PDE1A: variants seen among roughly 807,000 people sequenced by gnomAD.
The protein encoded by PDE1A is dual specificity calcium/calmodulin-dependent 3',5'-cyclic nucleotide phosphodiesterase 1A.
A neutral mutation model predicts 61.7 loss-of-function variants in PDE1A; 35 were observed. The ratio of observed to expected loss-of-function variants is 0.57; its 90% confidence interval spans 0.43 to 0.75. The LOEUF is 0.75. PDE1A is among the 30% of genes least tolerant of loss of function. PDE1A has a pLI of 0.00. For synonymous variants in PDE1A, 232 were observed against 213.2 expected, an observed-to-expected ratio of 1.09 and a Z score of -0.77; for missense variants, 597 against 630.6, an observed-to-expected ratio of 0.95 and a Z score of 0.57.
the PDE1A span, among the ~76,000 whole-genome samples, chr2:182,669,990 A>C: frequency 1.3e-5 from 2 of 152,210 alleles, no homozygotes; most frequent in Non-Finnish European, 2.9e-5. Flanking sequence ...GCAGGTCATT[A>C]AGGGATGATG....
the PDE1A span, among the ~76,000 whole-genome samples, chr2:182,572,868 CAAAAA>C: frequency 5.1e-4 from 27 of 53,034 alleles, no homozygotes; most frequent in Admixed American, 4.0e-4. Flanking sequence ...GACTCTGTCT[CAAAAA>C]AAAAAAAAAA....
chr2:182,571,736 C>T, the PDE1A span, among the ~76,000 whole-genome samples: 9 of 151,528 alleles, frequency 5.9e-5, no homozygotes, highest in Non-Finnish European at 1.2e-4. Context: ...ATCTGATTTC[C>T]GAGAGTAGCA....
rs1423098429 is a variant in PDE1A, at chr2:182,185,871, AG to A, written c.1516+20del. On this transcript the variant is annotated intron_variant, in intron 13 of 13. Coordinates refer to ENST00000351439, the Ensembl canonical transcript of PDE1A. Reference sequence around the variant, plus strand: ...GTGAAGACAGAGAGAGATGGCAGTAAGGCCTCATAAACAACACTACCTTGTG... The same window carrying A: ...GTGAAGACAGAGAGAGATGGCAGTAAGCCTCATAAACAACACTACCTTGTG... 2 of 1,613,386 alleles carry A rather than the reference AG, an allele frequency of 1.2e-6. No individual in the cohort carries two copies. Among genetic ancestry groups the A allele is most frequent in the Non-Finnish European group, 8.5e-7 (1 of 1,179,740 alleles).
At chr2:182,559,676 T>C in the PDE1A span, among the ~76,000 whole-genome samples, 1 of 152,306 alleles carries the variant, frequency 6.6e-6, no homozygotes, top group African/African-American at 2.4e-5. Flanking sequence ...AGATACTTAA[T>C]AGAATGCTTG....
At chr2:182,517,944 G>A (rs1383049801) in intron 2 of PDE1A, among the ~76,000 whole-genome samples, 3 of 152,180 alleles carry the variant, frequency 2.0e-5, no homozygotes, top group Non-Finnish European at 2.9e-5. Flanking sequence ...GTTGCCTCCA[G>A]AAGAGAGAAC....
At chr2:182,581,567 A>G in the PDE1A span, among the ~76,000 whole-genome samples, 1 of 152,214 alleles carries the variant, frequency 6.6e-6, no homozygotes, top group Admixed American at 6.6e-5. Context: ...TTTCTATGTT[A>G]TAATTCTCTG....
the PDE1A span, among the ~76,000 whole-genome samples, chr2:182,601,522 G>C: frequency 6.6e-6 from 1 of 152,250 alleles, no homozygotes; most frequent in African/African-American, 2.4e-5. Context: ...AGATCTTCTA[G>C]ACTTGCCATT....
intron 1 of PDE1A, among the ~76,000 whole-genome samples, chr2:182,369,096 T>C (rs775000994): frequency 2.4e-4 from 36 of 152,204 alleles, no homozygotes; most frequent in South Asian, 6.2e-4. Context: ...TTAGATTACT[T>C]CCCCGTCTTT....
At chr2:182,306,707 T>C (rs1157684765) in intron 1 of PDE1A, among the ~76,000 whole-genome samples, 1 of 152,044 alleles carries the variant, frequency 6.6e-6, no homozygotes, top group Non-Finnish European at 1.5e-5. Context: ...AAGAATACAA[T>C]GGGAAGAAGA....
chr2:182,212,472 AG>A (rs1482676303), intron 7 of PDE1A, among the ~76,000 whole-genome samples: 1 of 152,216 alleles, frequency 6.6e-6, no homozygotes, highest in Non-Finnish European at 1.5e-5. Context: ...GCGACGCAGA[AG>A]ACGGTGATTT....
chr2:182,674,144 G>A, the PDE1A span, among the ~76,000 whole-genome samples: 1 of 151,780 alleles, frequency 6.6e-6, no homozygotes, highest in African/African-American at 2.4e-5. Flanking sequence ...TTAGTAAGTG[G>A]TATAGCCAGG....
intron 1 of PDE1A, among the ~76,000 whole-genome samples, chr2:182,345,009 C>A (rs887088684): frequency 6.6e-6 from 1 of 152,190 alleles, no homozygotes; most frequent in African/African-American, 2.4e-5. Flanking sequence ...GGTCTGCACT[C>A]TTCTCTTAGA....
chr2:182,278,213 A>C (rs1693567562), intron 1 of PDE1A, among the ~76,000 whole-genome samples: 1 of 152,040 alleles, frequency 6.6e-6, no homozygotes, highest in African/African-American at 2.4e-5. Flanking sequence ...ACATTTTCAC[A>C]CTTAAGGATC....
At chr2:182,619,359 T>C in the PDE1A span, among the ~76,000 whole-genome samples, 3 of 151,770 alleles carry the variant, frequency 2.0e-5, no homozygotes, top group African/African-American at 7.3e-5. Context: ...CCTCAGAAGA[T>C]GAGGAAAGAG....
At chr2:182,291,801 T>C (rs1232168196) in intron 1 of PDE1A, among the ~76,000 whole-genome samples, 2 of 152,164 alleles carry the variant, frequency 1.3e-5, no homozygotes, top group Non-Finnish European at 2.9e-5. Flanking sequence ...TGCTGAATTT[T>C]GGAGAAAACT....
chr2:182,240,967 C>A (rs531504923), intron 2 of PDE1A, among the ~76,000 whole-genome samples: 2 of 152,226 alleles, frequency 1.3e-5, no homozygotes, highest in Non-Finnish European at 2.9e-5. Flanking sequence ...CGGGGTGGAG[C>A]TCTCATGGGT....
chr2:182,589,655 C>T, the PDE1A span, among the ~76,000 whole-genome samples: 15 of 152,278 alleles, frequency 9.9e-5, no homozygotes, highest in Non-Finnish European at 1.3e-4. Context: ...GTCAGGGAAA[C>T]GAGTACATCA....
intron 1 of PDE1A, among the ~76,000 whole-genome samples, chr2:182,281,785 T>C (rs1693826432): frequency 6.6e-6 from 1 of 151,946 alleles, no homozygotes; most frequent in South Asian, 2.1e-4. Context: ...CAAGAGAATA[T>C]TGACTGGAAG....
rs73045409 is a variant in PDE1A, at chr2:182,396,247, C to G, written c.53+30331G>C. 6.5e-3 allele frequency among the ~76,000 whole-genome samples: 984 copies of G among 152,346 alleles called. 15 individuals are homozygous for G. The highest frequency in any genetic ancestry group is 0.022 in the African/African-American group (924 of 41,580). On this transcript the variant is annotated intron_variant, in intron 1 of 13. Transcript: ENST00000351439. Reference sequence around the variant, plus strand: ...AAGAGGACAGCTGCAGCACTACAGTCCTTTCCTAGGACATCCCTGAAGGAC... The same window carrying G: ...AAGAGGACAGCTGCAGCACTACAGTGCTTTCCTAGGACATCCCTGAAGGAC...
Sources: allele counts gnomAD v4.1 joint callset (sites outside exome capture counted in the v4.1 genomes callset), GRCh38; gene constraint gnomAD v4.1.1; transcripts MANE v1.5; gene names NCBI Gene and HGNC (gene_info 2026-07-23, HGNC 2026-07-21).